CTNNA2: variants seen among roughly 807,000 people sequenced by gnomAD.
CTNNA2 encodes the protein catenin alpha 2.
A neutral mutation model predicts 101.0 loss-of-function variants in CTNNA2; 42 were observed. The observed-to-expected ratio is 0.42, with a 90% CI of 0.32 to 0.54. The LOEUF is 0.54. CTNNA2 is among the 20% of genes least tolerant of loss of function. The probability of loss-of-function intolerance (pLI) is 0.14; values close to 1 mark genes in which losing one functional copy is unlikely to be tolerated. For missense variants in CTNNA2, 871 were observed against 1,223.1 expected, an observed-to-expected ratio of 0.71 and a Z score of 4.29; for synonymous variants, 450 against 456.4, an observed-to-expected ratio of 0.99 and a Z score of 0.18.
At chr2:80,079,903 A>ATAAAATAAAT (rs1699033177) in intron 7 of CTNNA2, among the ~76,000 whole-genome samples, 1 of 149,922 alleles carries the variant, frequency 6.7e-6, no homozygotes, top group Non-Finnish European at 1.5e-5. Context: ...AATAAATAAA[A>ATAAAATAAAT]TAAAATAAAA....
intron 7 of CTNNA2, among the ~76,000 whole-genome samples, chr2:80,285,782 A>G (rs1674714503): frequency 6.6e-6 from 1 of 152,230 alleles, no homozygotes; most frequent in Non-Finnish European, 1.5e-5. Flanking sequence ...TTGATACAGA[A>G]TACCAGCAAC....
At chr2:79,265,203 A>G (rs981536735) in intron 2 of CTNNA2, among the ~76,000 whole-genome samples, 3 of 152,200 alleles carry the variant, frequency 2.0e-5, no homozygotes, top group Admixed American at 1.3e-4. Context: ...CACTGCAAAT[A>G]TTAGCTATGG....
chr2:80,000,582 A>G (rs970132912), intron 7 of CTNNA2, among the ~76,000 whole-genome samples: 1 of 152,142 alleles, frequency 6.6e-6, no homozygotes, highest in Admixed American at 6.6e-5. Context: ...CTCAATTAAC[A>G]TCCTCTCCAA....
intron 15 of CTNNA2, among the ~76,000 whole-genome samples, chr2:80,600,080 G>T (rs747588081): frequency 7.8e-4 from 118 of 151,656 alleles, no homozygotes; most frequent in Non-Finnish European, 1.5e-3. Flanking sequence ...AAAGATAAAA[G>T]GGAATAAAAT....
intron 1 of CTNNA2, among the ~76,000 whole-genome samples, chr2:79,561,811 C>G (rs1674799237): frequency 6.6e-6 from 1 of 151,478 alleles, no homozygotes; most frequent in Non-Finnish European, 1.5e-5. Flanking sequence ...TTGCATTTGT[C>G]TTTTTATTAT....
At chr2:79,870,689 A>G (rs371140823) in intron 5 of CTNNA2, among the ~76,000 whole-genome samples, 6 of 152,140 alleles carry the variant, frequency 3.9e-5, no homozygotes, top group African/African-American at 1.2e-4. Context: ...GAAACTTACA[A>G]TCATGGTGGA....
chr2:80,182,707 C>T (rs933540776), intron 7 of CTNNA2, among the ~76,000 whole-genome samples: 3 of 152,176 alleles, frequency 2.0e-5, no homozygotes, highest in African/African-American at 7.2e-5. Flanking sequence ...AAGTAGGCCT[C>T]TCTGAGGCAT....
chr2:79,545,344 G>A (rs1673665250), intron 1 of CTNNA2, among the ~76,000 whole-genome samples: 1 of 152,150 alleles, frequency 6.6e-6, no homozygotes, highest in Admixed American at 6.5e-5. Context: ...ACAGTAAGAG[G>A]ACCTAGGTTA....
At chr2:80,604,216 G>A (rs1697800340) in intron 16 of CTNNA2, 37 bp downstream of exon 16, 1 of 1,548,076 alleles carries the variant, frequency 6.5e-7, no homozygotes, top group Non-Finnish European at 8.9e-7. Flanking sequence ...ATGCTGAGTG[G>A]AGTCACTAAT....
intron 4 of CTNNA2, among the ~76,000 whole-genome samples, chr2:79,402,228 T>G (rs1169087197): frequency 1.3e-5 from 2 of 151,864 alleles, no homozygotes; most frequent in Non-Finnish European, 2.9e-5. Flanking sequence ...GTACTTCACT[T>G]TCAATAATGG....
chr2:79,510,131 T>C (rs1671503818), upstream of CTNNA2, among the ~76,000 whole-genome samples: 1 of 152,226 alleles, frequency 6.6e-6, no homozygotes, highest in African/African-American at 2.4e-5. Context: ...TATAATTACA[T>C]ACAGGATCTT....
At chr2:79,773,164 A>T (rs1015269736) in intron 3 of CTNNA2, among the ~76,000 whole-genome samples, 1 of 152,200 alleles carries the variant, frequency 6.6e-6, no homozygotes, top group African/African-American at 2.4e-5. Flanking sequence ...CATAAACTGG[A>T]AGTGTGAGTT....
chr2:80,043,176 TCC>T (rs1325500053), intron 7 of CTNNA2, among the ~76,000 whole-genome samples: 74 of 107,934 alleles, frequency 6.9e-4, no homozygotes, highest in African/African-American at 2.7e-3. Flanking sequence ...CTTCCTTCCT[TCC>T]TTCCTTTCTT....
chr2:79,798,427 C>A (rs1459786437), intron 3 of CTNNA2, among the ~76,000 whole-genome samples: 4 of 151,998 alleles, frequency 2.6e-5, no homozygotes, highest in Admixed American at 6.6e-5. Flanking sequence ...TAAGATATTT[C>A]TTTTTTCCTT....
At chr2:80,222,097 C>T (rs1708607203) in intron 7 of CTNNA2, among the ~76,000 whole-genome samples, 1 of 152,122 alleles carries the variant, frequency 6.6e-6, no homozygotes, top group Non-Finnish European at 1.5e-5. Context: ...TTTGCCCAAG[C>T]CAAACACAAG....
chr2:80,550,430 A>G (rs1692466688), intron 11 of CTNNA2, among the ~76,000 whole-genome samples: 1 of 152,148 alleles, frequency 6.6e-6, no homozygotes, highest in Admixed American at 6.5e-5. Flanking sequence ...TGATGCGTTG[A>G]TTGACTATTC....
In CTNNA2 at chr2:80,648,436, C is replaced by A. The variant is rs1674342406; in HGVS notation, c.*564C>A. ...TTAACTAGTCCAGCCTAAAATGCTT[C>A]TTTTAATCTGCATTCTGTTTCCTCT... is the stretch of plus-strand genomic sequence containing the variant. On this transcript the variant is annotated 3_prime_UTR_variant, in exon 19 of 19. Coordinates refer to ENST00000402739, the MANE Select transcript of CTNNA2 (RefSeq NM_001282597.3). The A allele has an allele frequency of 6.6e-6, 1 of 152,550 alleles. No individual in the cohort carries two copies. Among genetic ancestry groups the A allele is most frequent in the South Asian group, 2.1e-4 (1 of 4,834 alleles). 9.4% of individuals were successfully genotyped at this position (152,550 alleles called of 1,614,324 possible).
At chr2:80,135,992 G>T (rs546708256) in intron 7 of CTNNA2, among the ~76,000 whole-genome samples, 1 of 152,092 alleles carries the variant, frequency 6.6e-6, no homozygotes, top group African/African-American at 2.4e-5. Flanking sequence ...GAAGTAGAGC[G>T]ATCTGGAATC....
At chr2:80,171,159 T>C (rs1239261253) in intron 7 of CTNNA2, among the ~76,000 whole-genome samples, 2 of 152,232 alleles carry the variant, frequency 1.3e-5, no homozygotes, top group Non-Finnish European at 2.9e-5. Flanking sequence ...AGCCTGTGCA[T>C]ATACATGGAT....
Sources: allele counts gnomAD v4.1 joint callset (sites outside exome capture counted in the v4.1 genomes callset), GRCh38; gene constraint gnomAD v4.1.1; transcripts MANE v1.5; gene names NCBI Gene and HGNC (gene_info 2026-07-23, HGNC 2026-07-21).